Variants in WARS1 observed in about 807,000 individuals in gnomAD.
WARS1 encodes the protein tryptophan--tRNA ligase, cytoplasmic.
WARS1 carries 17 observed loss-of-function variants against 47.8 expected under a neutral mutation model. That is an observed-to-expected ratio of 0.36 (90% CI 0.24 to 0.53). The LOEUF (loss-of-function observed/expected upper bound fraction) is 0.53. Ranked by LOEUF, WARS1 falls within the 20% of genes least tolerant of loss-of-function variation. The probability of loss-of-function intolerance (pLI) is 0.91; values close to 1 mark genes in which losing one functional copy is unlikely to be tolerated. For missense variants in WARS1, 434 were observed against 608.0 expected, an observed-to-expected ratio of 0.71 and a Z score of 3.01; for synonymous variants, 208 against 228.1, an observed-to-expected ratio of 0.91 and a Z score of 0.79.
intron 7 of WARS1, 73 bp downstream of exon 7, chr14:100,346,673 T>C: frequency 8.2e-7 from 1 of 1,219,240 alleles, no homozygotes; most frequent in Non-Finnish European, 1.2e-6. Context: ...AAACCAGGCA[T>C]GTGTCTCCTC....
At chr14:100,354,382 T>C (rs1895181407) in intron 5 of WARS1, 65 bp downstream of exon 5, 4 of 1,573,436 alleles carry the variant, frequency 2.5e-6, no homozygotes, top group Middle Eastern at 1.7e-4. Context: ...GTTCTAAACA[T>C]GGTTTATAAG....
rs141761779 is a variant in WARS1 at position 100,351,477 on chromosome 14, A to G, written c.725+2210T>C. On this transcript the variant is annotated intron_variant, in intron 6 of 10. Transcript: ENST00000392882. The stretch of plus-strand genomic sequence containing the variant: ...AGACCAGCCTGGCCAACATGGCAAA[A>G]CCCATGAGTGAGACTCTGTCTCAAA... Among the ~76,000 whole-genome samples the G allele has an allele frequency of 3.4e-4, 50 of 148,512 alleles. 1 individual carries two copies. The East Asian group carries it at 9.0e-3, about 27-fold the overall frequency.
chr14:100,358,304 T>G (rs1220376402), intron 4 of WARS1, among the ~76,000 whole-genome samples: 1 of 152,122 alleles, frequency 6.6e-6, no homozygotes, highest in Non-Finnish European at 1.5e-5. Flanking sequence ...GGCTAATTTT[T>G]TGTATTTTTA....
At chr14:100,349,019 C>T (rs140126089) in intron 6 of WARS1, among the ~76,000 whole-genome samples, 2 of 152,340 alleles carry the variant, frequency 1.3e-5, no homozygotes, top group African/African-American at 2.4e-5. Context: ...CCAGTGCCGG[C>T]ACATGGAGGC....
At chr14:100,360,464 A>G in intron 4 of WARS1, 90 bp downstream of exon 4, 1 of 977,856 alleles carries the variant, frequency 1.0e-6, no homozygotes, top group Non-Finnish European at 1.6e-6. Context: ...TTCCCACAGT[A>G]CCAGGTGGCT....
intron 6 of WARS1, among the ~76,000 whole-genome samples, chr14:100,352,453 C>G (rs747010193): frequency 6.6e-6 from 1 of 152,126 alleles, no homozygotes; most frequent in Non-Finnish European, 1.5e-5. Flanking sequence ...TAAGAGGGAA[C>G]GTTCTGGGGA....
chr14:100,353,486 G>A (rs1895124433), intron 6 of WARS1, among the ~76,000 whole-genome samples: 1 of 152,130 alleles, frequency 6.6e-6, no homozygotes, highest in South Asian at 2.1e-4. Flanking sequence ...CTGACCTCGT[G>A]ACCCGCCCAC....
At chr14:100,339,423 C>T (rs898130749) in intron 9 of WARS1, among the ~76,000 whole-genome samples, 4 of 152,052 alleles carry the variant, frequency 2.6e-5, no homozygotes, top group Admixed American at 2.6e-4. Context: ...AACCCCGTCT[C>T]TACCAAAATA....
At chr14:100,360,183 G>A (rs1427239206) in intron 4 of WARS1, among the ~76,000 whole-genome samples, 1 of 152,182 alleles carries the variant, frequency 6.6e-6, no homozygotes, top group Non-Finnish European at 1.5e-5. Context: ...AAGAGGGTTT[G>A]GAATTTCAGG....
At chr14:100,356,927 A>C (rs1051097987) in intron 4 of WARS1, among the ~76,000 whole-genome samples, 1 of 152,212 alleles carries the variant, frequency 6.6e-6, no homozygotes, top group African/African-American at 2.4e-5. Context: ...AAGATTATAC[A>C]CTATGATTGA....
intron 2 of WARS1, among the ~76,000 whole-genome samples, chr14:100,362,441 C>T (rs1301386584): frequency 6.7e-6 from 1 of 149,726 alleles, no homozygotes; most frequent in Admixed American, 6.7e-5. Context: ...AAAGCAAGGA[C>T]AAAAAATGTA....
intron 7 of WARS1, among the ~76,000 whole-genome samples, chr14:100,345,405 G>C (rs10142580): frequency 0.68 from 104,040 of 152,018 alleles, 36,806 homozygotes; most frequent in Admixed American, 0.81. Flanking sequence ...GTCTACTCAG[G>C]GTTAAATGGA....
intron 9 of WARS1, among the ~76,000 whole-genome samples, chr14:100,339,437 A>G (rs1893996382): frequency 6.6e-6 from 1 of 151,878 alleles, no homozygotes. Flanking sequence ...CAAAATACAA[A>G]AAATTAGCTG....
intron 6 of WARS1, among the ~76,000 whole-genome samples, chr14:100,349,356 GATA>G (rs1035340204): frequency 9.9e-5 from 15 of 152,206 alleles, no homozygotes; most frequent in African/African-American, 3.4e-4. Context: ...CAGCTGCTGA[GATA>G]ATGGTTTTGC....
intron 2 of WARS1, chr14:100,366,489 T>C (rs1368557092): frequency 9.5e-6 from 4 of 421,596 alleles, no homozygotes; most frequent in South Asian, 2.4e-5. Flanking sequence ...TTGCCTCTAA[T>C]ATGAAAGGCA....
At chr14:100,374,141 G>A (rs1375783525) in intron 1 of WARS1, 2 of 152,190 alleles carry the variant, frequency 1.3e-5, no homozygotes, top group South Asian at 2.1e-4. Flanking sequence ...CTTACCTTTC[G>A]AAAGGAGGCT....
In WARS1 at chr14:100,373,623, A is replaced by T. The variant is rs990336806; in HGVS notation, c.-74+1660T>A. On this transcript the variant is annotated intron_variant, in intron 1 of 10. Transcript: ENST00000392882. This position sits in a 1 kb window ranked among gnomAD's most constrained non-coding sequence, Gnocchi z 4.4. ...CCAATCTCCCACTGCAATAGAATAG[A>T]TAACTGTTTCTTTGCTAGAGGATCA... 6.6e-6 allele frequency among the ~76,000 whole-genome samples: 1 copy of T among 152,258 alleles called. No homozygotes were observed. Among genetic ancestry groups the T allele is most frequent in the Non-Finnish European group, 1.5e-5 (1 of 68,046 alleles).
At position 100,366,762 on chromosome 14, in the gene WARS1, G is replaced by T. The variant is rs11160584; in HGVS notation, c.99+2325C>A. 2.1e-3 allele frequency: 2,098 copies of T among 981,356 alleles called. 31 individuals carry two copies. The African/African-American group carries it at 0.03, about 14-fold the overall frequency. The allele number at this position is 981,356 out of a possible 1,614,324, so 60.8% of individuals were successfully genotyped here. The stretch of plus-strand genomic sequence containing the variant: ...GAAAAAGGGCTAAGGGATCCGTGGG[G>T]CCACAATGAAGCTTGAAGATACATG... On this transcript the variant is annotated intron_variant, in intron 2 of 10. Transcript: ENST00000392882.
At chr14:100,365,776 C>A (rs1595456598) in intron 2 of WARS1, among the ~76,000 whole-genome samples, 3 of 139,650 alleles carry the variant, frequency 2.1e-5, no homozygotes, top group Middle Eastern at 3.7e-3. Context: ...ACAAAGGAAA[C>A]AAGAAGAGGA....
Sources: allele counts gnomAD v4.1 joint callset (sites outside exome capture counted in the v4.1 genomes callset), GRCh38; gene constraint gnomAD v4.1.1; non-coding constraint Gnocchi (gnomAD v3.1); transcripts MANE v1.5; gene names NCBI Gene and HGNC (gene_info 2026-07-23, HGNC 2026-07-21).